The following ANKRD62 variants were observed in gnomAD, a reference collection of about 807,000 sequenced individuals.
ANKRD62 encodes ankyrin repeat domain 62, also known as ankyrin repeat domain-containing protein 62.
In ANKRD62, 61 loss-of-function variants were observed where a neutral mutation model predicts 98.8. The ratio of observed to expected loss-of-function variants is 0.62; its 90% confidence interval spans 0.50 to 0.76. The LOEUF is 0.76. Among genes scored for constraint, ANKRD62 ranks in the 30% least tolerant of loss-of-function variants. ANKRD62 has a pLI of 0.00. For synonymous variants in ANKRD62, 341 were observed against 367.9 expected (o/e 0.93, Z 0.84); for missense variants, 933 against 1,082.9 (o/e 0.86, Z 1.94).
the ANKRD62 span, among the ~76,000 whole-genome samples, chr18:12,139,988 G>A: frequency 1.3e-5 from 2 of 152,160 alleles, no homozygotes; most frequent in African/African-American, 4.8e-5. Flanking sequence ...GTACACCAAT[G>A]ATATGTAGAT....
At chr18:12,136,444 T>C in the ANKRD62 span, among the ~76,000 whole-genome samples, 6 of 152,236 alleles carry the variant, frequency 3.9e-5, no homozygotes, top group Admixed American at 2.6e-4. Context: ...TTGGTTACTG[T>C]AGCCTTGTAG....
chr18:12,102,703 G>T, intron 6 of ANKRD62: 1 of 1,034,294 alleles, frequency 9.7e-7, no homozygotes, highest in Non-Finnish European at 1.2e-6. Context: ...TAATGAACGG[G>T]GTGTATATGG....
chr18:12,120,484 C>T (rs115488832), intron 10 of ANKRD62, among the ~76,000 whole-genome samples: 1,757 of 152,208 alleles, frequency 0.012, 33 homozygotes, highest in African/African-American at 0.04. Context: ...AGTGTTAGCA[C>T]GTATCTTTTT....
Position 12,095,575 on chromosome 18 carries a change from C to G in ANKRD62, c.472C>G (p.Leu158Val), listed in dbSNP as rs761408927. Residue 158 changes from leucine to valine, a missense_variant, in exon 3 of 14, where the codon CTT becomes GTT. Around this residue, in one of 3 missense-constraint regions of ANKRD62, gnomAD observed 549 missense variants for 587.9 expected, o/e 0.93. Coordinates refer to ENST00000587848, the MANE Select transcript of ANKRD62 (RefSeq NM_001277333.2). ...NENISMARKL[L>V]AYGADIEARS... ...GAATATATCAATGGCAAGAAAACTG[C>G]TTGCATATGGTGCAGATATTGAAGC... The G allele has an allele frequency of 6.5e-7, 1 of 1,530,600 alleles. No homozygotes were observed. The highest frequency in any genetic ancestry group is 8.7e-7 in the Non-Finnish European group (1 of 1,143,680). The allele number at this position is 1,530,600 out of a possible 1,614,324, so 94.8% of individuals were successfully genotyped here.
rs1909647731 is a variant in ANKRD62, at chr18:12,115,626, G to A, written c.1240+92G>A. The A allele has an allele frequency of 4.5e-6, 5 of 1,111,902 alleles. No homozygotes were observed. In the South Asian group the frequency reaches 8.0e-5, roughly 18 times the overall value. The allele number at this position is 1,111,902 out of a possible 1,614,324, so 68.9% of individuals were successfully genotyped here. A position where few individuals can be genotyped will look rare whatever the true frequency, so the allele number is the denominator to read the frequency against. ...GCACGGCACCATAGAACACTGATGT[G>A]TTATAGGGATGTTCATCTCGGAAAT... is the stretch of plus-strand genomic sequence containing the variant. On this transcript the variant is annotated intron_variant, in intron 10 of 13. Coordinates refer to ENST00000587848, the MANE Select transcript of ANKRD62 (RefSeq NM_001277333.2).
At position 12,103,155 on chromosome 18, in the gene ANKRD62, C is replaced by A; in HGVS notation, c.821-3C>A. 7.3e-7 allele frequency: 1 copy of A among 1,369,772 alleles called. No individual in the cohort carries two copies. Among genetic ancestry groups the A allele is most frequent in the South Asian group, 2.1e-5 (1 of 48,664 alleles). The allele number at this position is 1,369,772 out of a possible 1,614,324, so 84.9% of individuals were successfully genotyped here. A position where few individuals can be genotyped will look rare whatever the true frequency, so the allele number is the denominator to read the frequency against. On this transcript the variant is annotated splice_polypyrimidine_tract_variant and splice_region_variant and intron_variant, in intron 6 of 13. Coordinates refer to ENST00000587848, the MANE Select transcript of ANKRD62 (RefSeq NM_001277333.2). ...TTAACTAAATATATGGATTTGTGAGCAGAACAAGACTTAGAAATGACATCA... is the reference window on the plus strand; with the variant it reads ...TTAACTAAATATATGGATTTGTGAGAAGAACAAGACTTAGAAATGACATCA...
the ANKRD62 span, among the ~76,000 whole-genome samples, chr18:12,166,392 C>T: frequency 1.3e-5 from 2 of 152,010 alleles, no homozygotes; most frequent in Non-Finnish European, 2.9e-5. Flanking sequence ...ATCCTTTCTT[C>T]TGCTTTATCA....
At chr18:12,170,229 C>G in the ANKRD62 span, among the ~76,000 whole-genome samples, 1 of 152,130 alleles carries the variant, frequency 6.6e-6, no homozygotes, top group Non-Finnish European at 1.5e-5. Context: ...GTTAGGGTGT[C>G]AATTTTAGAT....
At position 12,127,853 on chromosome 18, in the gene ANKRD62, G is replaced by A. The variant is rs1162421670; in HGVS notation, c.2668G>A (p.Asp890Asn). 31 of 1,525,758 alleles carry A rather than the reference G, an allele frequency of 2.0e-5. No homozygotes were observed. Among genetic ancestry groups the A allele is most frequent in the East Asian group, 9.9e-5 (4 of 40,336 alleles). The allele number at this position is 1,525,758 out of a possible 1,614,324, so 94.5% of individuals were successfully genotyped here. A position where few individuals can be genotyped will look rare whatever the true frequency, so the allele number is the denominator to read the frequency against. Reference sequence around the variant, plus strand: ...ATCAGAACGTCGTATTAATTTAGAAGATGAGGCACAAAGTTTAAAAAAGAA... The same window carrying A: ...ATCAGAACGTCGTATTAATTTAGAAAATGAGGCACAAAGTTTAAAAAAGAA... The part of the protein sequence containing the change: ...ISSERRINLE[D>N]EAQSLKKKLG... The change falls in exon 14 of 14, where the codon GAT becomes AAT. Residue 890 changes from aspartate (D) to asparagine (N), a missense_variant. By Grantham distance (23) the Asp-to-Asn change is conservative. Coordinates refer to ENST00000587848, the MANE Select transcript of ANKRD62 (RefSeq NM_001277333.2).
chr18:12,096,147 G>A, intron 3 of ANKRD62, 49 bp from the exon 4 acceptor site: 2 of 1,236,616 alleles, frequency 1.6e-6, no homozygotes, highest in Non-Finnish European at 2.3e-6. Flanking sequence ...CAGTTCAGTT[G>A]GGAAGTATGT....
the ANKRD62 span, among the ~76,000 whole-genome samples, chr18:12,166,537 A>G: frequency 6.6e-6 from 1 of 151,848 alleles, no homozygotes; most frequent in South Asian, 2.1e-4. Context: ...TCTCTGTGTT[A>G]CCTTGAATTT....
chr18:12,133,568 T>C (rs931960683), downstream of ANKRD62, among the ~76,000 whole-genome samples: 3 of 152,166 alleles, frequency 2.0e-5, no homozygotes, highest in African/African-American at 4.8e-5. Context: ...TTTTTTATTA[T>C]AGGCATTCTA....
chr18:12,115,000 G>A (rs976030770), intron 8 of ANKRD62, 88 bp from the exon 9 acceptor site: 6 of 992,516 alleles, frequency 6.0e-6, no homozygotes, highest in Non-Finnish European at 8.0e-6. Context: ...TACAAACACA[G>A]AGATTTTATA....
chr18:12,145,591 G>A, the ANKRD62 span, among the ~76,000 whole-genome samples: 1 of 152,148 alleles, frequency 6.6e-6, no homozygotes, highest in Admixed American at 6.5e-5. Context: ...CTGTTTCTGT[G>A]TCTCTTCACT....
Position 12,093,937 on chromosome 18 carries a change from C to A in ANKRD62, c.-81C>A. The A allele has an allele frequency of 7.2e-7, 1 of 1,396,274 alleles. No homozygotes were observed. 86.5% of individuals were successfully genotyped at this position (1,396,274 alleles called of 1,614,324 possible). ...GACCTGGTTACGTGCTGGTGCTGCG[C>A]TCCAGAGAGGCAGAAAACGAGTGGG... On this transcript the variant is annotated 5_prime_UTR_variant, in exon 1 of 14. Transcript: ENST00000587848.
At chr18:12,127,250 G>A (rs1196159453) in intron 13 of ANKRD62, among the ~76,000 whole-genome samples, 1 of 152,162 alleles carries the variant, frequency 6.6e-6, no homozygotes, top group Non-Finnish European at 1.5e-5. Flanking sequence ...GAGAGACATA[G>A]CAGCTGGGGT....
chr18:12,138,466 C>T, the ANKRD62 span, among the ~76,000 whole-genome samples: 9 of 152,036 alleles, frequency 5.9e-5, no homozygotes, highest in Admixed American at 1.3e-4. Context: ...TTACTTCCAA[C>T]GATGTGGTCA....
At chr18:12,100,778 G>T (rs547758134) in intron 6 of ANKRD62, among the ~76,000 whole-genome samples, 1 of 152,092 alleles carries the variant, frequency 6.6e-6, no homozygotes, top group Non-Finnish European at 1.5e-5. Flanking sequence ...TATTTACTTC[G>T]TTAGGGTGAG....
At chr18:12,098,112 TC>T (rs907321681) in intron 5 of ANKRD62, among the ~76,000 whole-genome samples, 39 of 152,232 alleles carry the variant, frequency 2.6e-4, no homozygotes, top group African/African-American at 9.2e-4. Flanking sequence ...CAAAGTTTTT[TC>T]TTCTTTGTTA....
Sources: gnomAD v4.1 joint callset for allele counts (sites outside exome capture counted in the v4.1 genomes callset) on GRCh38, gnomAD v4.1.1 for gene constraint, gnomAD v4.1.1 regional missense constraint, MANE v1.5 for transcripts, NCBI Gene and HGNC (gene_info 2026-07-23, HGNC 2026-07-21) for gene names.